The following DLGAP4 variants were observed in gnomAD, a reference collection of about 807,000 sequenced individuals.
DLGAP4 encodes DLG associated protein 4.
A neutral mutation model predicts 86.9 loss-of-function variants in DLGAP4; 18 were observed. The ratio of observed to expected loss-of-function variants is 0.21; its 90% CI spans 0.14 to 0.31. The LOEUF (loss-of-function observed/expected upper bound fraction) is 0.31. DLGAP4 is among the 10% of genes least tolerant of loss of function. The probability of loss-of-function intolerance (pLI) is 1.00; values close to 1 mark genes in which losing one functional copy is unlikely to be tolerated. For missense variants in DLGAP4, 1,085 were observed against 1,362.6 expected (o/e 0.80, Z 3.21); for synonymous variants, 548 against 574.3 (o/e 0.95, Z 0.65).
At chr20:36,345,910 A>G (rs900659865) in intron 1 of DLGAP4, among the ~76,000 whole-genome samples, 1 of 152,020 alleles carries the variant, frequency 6.6e-6, no homozygotes, top group African/African-American at 2.4e-5. Flanking sequence ...GGCACTTACC[A>G]CCACACCAGG....
intron 1 of DLGAP4, among the ~76,000 whole-genome samples, chr20:36,341,433 T>A (rs921722854): frequency 2.7e-4 from 41 of 152,334 alleles, no homozygotes; most frequent in African/African-American, 9.6e-4. Flanking sequence ...GCAAAGTGCC[T>A]GGCATGTACC....
At position 36,432,250 on chromosome 20, in the gene DLGAP4, A is replaced by T. The variant is rs780745549; in HGVS notation, c.533A>T (p.Lys178Met). ...GSKKGGMEDG[K>M]GRRAKSKERA... ...AAGAAGGGTGGCATGGAGGACGGCA[A>T]GGGCCGGAGGGCCAAAAGCAAGGAG... Residue 178 changes from lysine (K) to methionine (M), a missense_variant, in exon 3 of 13, where the codon AAG becomes ATG. Around this residue, in one of 2 missense-constraint regions of DLGAP4, gnomAD observed 1,082 missense variants for 1,344.1 expected, o/e 0.81. Coordinates refer to ENST00000339266, the MANE Select transcript of DLGAP4 (RefSeq NM_001365621.2). The surrounding 1 kb of genome is among the most constrained non-coding windows in gnomAD (Gnocchi z 6.5). The T allele has an allele frequency of 6.2e-7, 1 of 1,613,756 alleles. No individual in the cohort carries two copies. Among genetic ancestry groups the T allele is most frequent in the Non-Finnish European group, 8.5e-7 (1 of 1,179,888 alleles).
intron 7 of DLGAP4, among the ~76,000 whole-genome samples, chr20:36,457,182 G>A (rs1478160582): frequency 6.6e-6 from 1 of 151,962 alleles, no homozygotes; most frequent in Admixed American, 6.6e-5. Context: ...TAAACAGGGT[G>A]GCTAGGGTAC....
In DLGAP4 at chr20:36,500,904, C is replaced by G. The variant is rs2036115763; in HGVS notation, c.2512+293C>G. Reference sequence around the variant, plus strand: ...CCCTTACTAGTGAAGTAACCTTGGTCAGGTTACTCCGAGCCCCCATTTCCT... The same window carrying G: ...CCCTTACTAGTGAAGTAACCTTGGTGAGGTTACTCCGAGCCCCCATTTCCT... On this transcript the variant is annotated intron_variant, in intron 10 of 12. Transcript: ENST00000339266. The surrounding 1 kb of genome is among the most constrained non-coding windows in gnomAD (Gnocchi z 4.6). 1.3e-5 allele frequency among the ~76,000 whole-genome samples: 2 copies of G among 152,108 alleles called. No homozygotes were observed. The highest frequency in any genetic ancestry group is 1.9e-4 in the East Asian group (1 of 5,188).
chr20:36,388,751 G>T (rs2031689481), intron 2 of DLGAP4, among the ~76,000 whole-genome samples: 1 of 152,170 alleles, frequency 6.6e-6, no homozygotes, highest in Non-Finnish European at 1.5e-5. Context: ...GGAGCATAAG[G>T]CCTGAGCCTG....
chr20:36,326,216 G>T (rs1055185554), intron 1 of DLGAP4, among the ~76,000 whole-genome samples: 6 of 152,168 alleles, frequency 3.9e-5, no homozygotes, highest in African/African-American at 9.7e-5. Context: ...AACCCAATAA[G>T]TTGGGCCCCA....
Position 36,434,857 on chromosome 20 carries a change from TAG to T in DLGAP4, c.1000-1247_1000-1246del, listed in dbSNP as rs2033227344. 2.0e-5 allele frequency among the ~76,000 whole-genome samples: 3 copies of T among 152,188 alleles called. No individual in the cohort carries two copies. The South Asian group carries it at 6.2e-4, about 32-fold the overall frequency. On this transcript the variant is annotated intron_variant, in intron 3 of 12. Transcript: ENST00000339266. ...TTGGGCAGTGTGCATGTGTATGCTATAGAGAGTGGGAATGCTGTGTACACTGA... is the reference window on the plus strand; with the variant it reads ...TTGGGCAGTGTGCATGTGTATGCTATAGAGTGGGAATGCTGTGTACACTGA...
chr20:36,422,261 C>T (rs2147521666), intron 2 of DLGAP4, among the ~76,000 whole-genome samples: 1 of 152,272 alleles, frequency 6.6e-6, no homozygotes, highest in South Asian at 2.1e-4. Flanking sequence ...GCCATTCCAC[C>T]TCACTTCATT....
chr20:36,365,982 A>C (rs915769636), intron 1 of DLGAP4, among the ~76,000 whole-genome samples: 4 of 151,908 alleles, frequency 2.6e-5, no homozygotes, highest in African/African-American at 9.7e-5. Flanking sequence ...ATTGGAGGGG[A>C]GAGGGTGGAG....
intron 10 of DLGAP4, among the ~76,000 whole-genome samples, chr20:36,519,315 A>C (rs778309984): frequency 6.6e-6 from 1 of 152,126 alleles, no homozygotes; most frequent in Non-Finnish European, 1.5e-5. Context: ...ATACCCAGTC[A>C]GTTCTTTGTA....
rs1358628918 is a variant in DLGAP4 at position 36,527,360 on chromosome 20, T to TATC, written c.*330_*332dup. The TATC allele has an allele frequency of 2.4e-5, 5 of 211,750 alleles. No individual in the cohort carries two copies. The highest frequency in any genetic ancestry group is 9.2e-5 in the African/African-American group (4 of 43,436). The allele number at this position is 211,750 out of a possible 1,614,324, so 13.1% of individuals were successfully genotyped here. A position where few individuals can be genotyped will look rare whatever the true frequency, so the allele number is the denominator to read the frequency against. Reference sequence around the variant, plus strand: ...CATACTGCGGTCTTTTTACTCGTTCTATCTGATGAGAACTCACACTAGCTT... The same window carrying TATC: ...CATACTGCGGTCTTTTTACTCGTTCTATCATCTGATGAGAACTCACACTAGCTT... On this transcript the variant is annotated 3_prime_UTR_variant, in exon 13 of 13. Transcript: ENST00000339266.
At chr20:36,394,993 GC>G (rs1569483982) in intron 2 of DLGAP4, among the ~76,000 whole-genome samples, 1 of 152,016 alleles carries the variant, frequency 6.6e-6, no homozygotes, top group East Asian at 1.9e-4. Flanking sequence ...CCCTAGAGCT[GC>G]CCCCTCCTCT....
intron 10 of DLGAP4, among the ~76,000 whole-genome samples, chr20:36,502,171 C>T (rs2036173670): frequency 6.6e-6 from 1 of 152,196 alleles, no homozygotes; most frequent in South Asian, 2.1e-4. Context: ...CTGTGTACAT[C>T]ACAGTTTATG....
intron 6 of DLGAP4, among the ~76,000 whole-genome samples, chr20:36,445,721 C>T (rs1320485802): frequency 6.6e-6 from 1 of 152,206 alleles, no homozygotes; most frequent in Admixed American, 6.5e-5. Context: ...ACCTTTTCCT[C>T]CACATGGTCA....
At chr20:36,443,138 A>T (rs11906476) in intron 6 of DLGAP4, among the ~76,000 whole-genome samples, 2 of 152,134 alleles carry the variant, frequency 1.3e-5, no homozygotes, top group Non-Finnish European at 2.9e-5. Context: ...CTGGGGGCTG[A>T]TGATATTAGC....
chr20:36,437,778 G>A (rs2033329922), intron 4 of DLGAP4, among the ~76,000 whole-genome samples: 1 of 152,158 alleles, frequency 6.6e-6, no homozygotes, highest in South Asian at 2.1e-4. Context: ...GCAGGAAGAG[G>A]GCAGTGTTCT....
intron 7 of DLGAP4, among the ~76,000 whole-genome samples, chr20:36,464,679 G>A (rs563013514): frequency 1.3e-5 from 2 of 151,984 alleles, no homozygotes; most frequent in South Asian, 2.1e-4. Flanking sequence ...GTGAAACCCC[G>A]TCTCTACTGA....
intron 2 of DLGAP4, among the ~76,000 whole-genome samples, chr20:36,391,467 C>T (rs1316653223): frequency 6.6e-6 from 1 of 152,196 alleles, no homozygotes; most frequent in African/African-American, 2.4e-5. Flanking sequence ...AACGCACCCA[C>T]CACAGAGGGC....
rs994873651 is a variant in DLGAP4, at chr20:36,397,329, C to T, written c.-73+30054C>T. Among the ~76,000 whole-genome samples, 4 of 152,136 alleles carry T rather than the reference C, an allele frequency of 2.6e-5. No homozygotes were observed. The East Asian group carries it at 5.8e-4, about 22-fold the overall frequency. ...AAACACTGACACAGAAACGAAATAG[C>T]GAGAAACCAAAGCTATTCTATCCAG... On this transcript the variant is annotated intron_variant, in intron 2 of 12. Coordinates refer to ENST00000339266, the MANE Select transcript of DLGAP4 (RefSeq NM_001365621.2).
Sources: gnomAD v4.1 joint callset for allele counts (sites outside exome capture counted in the v4.1 genomes callset) on GRCh38, gnomAD v4.1.1 for gene constraint, gnomAD v4.1.1 regional missense constraint, Gnocchi (gnomAD v3.1) non-coding constraint, MANE v1.5 for transcripts, NCBI Gene and HGNC (gene_info 2026-07-23, HGNC 2026-07-21) for gene names.